CHD6: variants seen among roughly 807,000 people sequenced by gnomAD.
CHD6 encodes the protein ATP-dependent chromatin remodeler CHD6.
Under a neutral mutation model 276.9 loss-of-function variants are expected in CHD6, and 50 were observed. That is an observed-to-expected ratio of 0.18 (90% confidence interval 0.14 to 0.23). The LOEUF (loss-of-function observed/expected upper bound fraction) is 0.23. Among genes scored for constraint, CHD6 ranks in the 10% least tolerant of loss-of-function variants. CHD6 has a pLI of 1.00. For missense variants in CHD6, 2,564 were observed against 3,365.8 expected (o/e 0.76, Z 5.89); for synonymous variants, 1,173 against 1,229.3 (o/e 0.95, Z 0.96).
At chr20:41,512,436 C>T (rs1341946644) in intron 5 of CHD6, among the ~76,000 whole-genome samples, 1 of 151,670 alleles carries the variant, frequency 6.6e-6, no homozygotes, top group Admixed American at 6.6e-5. Context: ...CAGGAAGAAC[C>T]TCTCTAAGGA....
chr20:41,580,345 A>C (rs1218774447), intron 1 of CHD6, among the ~76,000 whole-genome samples: 1 of 152,126 alleles, frequency 6.6e-6, no homozygotes, highest in African/African-American at 2.4e-5. Flanking sequence ...TACCAGGCTA[A>C]ACTCACCTTT....
At chr20:41,566,787 T>C (rs1406890405) in intron 1 of CHD6, among the ~76,000 whole-genome samples, 1 of 152,184 alleles carries the variant, frequency 6.6e-6, no homozygotes, top group African/African-American at 2.4e-5. Context: ...TCCCGCAGGC[T>C]ATGAGTGTAC....
At chr20:41,550,365 G>A (rs2045126139) in intron 2 of CHD6, among the ~76,000 whole-genome samples, 1 of 152,294 alleles carries the variant, frequency 6.6e-6, no homozygotes, top group South Asian at 2.1e-4. Context: ...AATCCAGTTT[G>A]TAGGCAGTAT....
rs2046897837 is a variant in CHD6, at chr20:41,413,317, CACTT to C, written c.7131+3_7131+6del. ...AGTGATCTCAGGCAGTACCAACAAA[CACTT>C]ACTGCCCCAAAGCCAGGAACTTCTA... On this transcript the variant is annotated splice_donor_5th_base_variant and intron_variant, in intron 35 of 36. Transcript: ENST00000373233. The C allele has an allele frequency of 1.3e-6, 2 of 1,583,312 alleles. No homozygotes were observed. The highest frequency in any genetic ancestry group is 2.3e-5 in the South Asian group (2 of 86,232).
intron 1 of CHD6, among the ~76,000 whole-genome samples, chr20:41,601,968 C>G (rs1236639766): frequency 1.3e-5 from 2 of 152,230 alleles, no homozygotes; most frequent in Non-Finnish European, 2.9e-5. Flanking sequence ...GCTTGCACAG[C>G]TGATTACCCT....
rs750321921 is a variant in CHD6 at position 41,416,759 on chromosome 20, G to A, written c.6315C>T (p.Cys2105=). 6.8e-5 allele frequency: 109 copies of A among 1,606,998 alleles called. No homozygotes were observed. The highest frequency in any genetic ancestry group is 7.7e-5 in the Non-Finnish European group (90 of 1,175,498). ...RVIINRLDNI[C]HVVLKGKWPS... ...GCCACTTCCCCTTTAACACCACGTG[G>A]CAGATATTATCTAGGCGGTTAATTA... The change falls in exon 33 of 37, where the codon TGC becomes TGT. Residue 2105 remains cysteine (C), a synonymous_variant. Transcript: ENST00000373233.
At chr20:41,543,125 T>C (rs888569559) in intron 2 of CHD6, among the ~76,000 whole-genome samples, 1 of 149,420 alleles carries the variant, frequency 6.7e-6, no homozygotes, top group South Asian at 2.1e-4. Flanking sequence ...AAAAAGGATG[T>C]CAATAATAAT....
At chr20:41,530,388 C>A (rs1325785765) in intron 3 of CHD6, among the ~76,000 whole-genome samples, 1 of 152,166 alleles carries the variant, frequency 6.6e-6, no homozygotes, top group African/African-American at 2.4e-5. Context: ...GCCCGTAAAT[C>A]AGTTGCGGAG....
Position 41,404,471 on chromosome 20 carries a change from A to G in CHD6, c.*122T>C. ...TGTTACCATAGTTCTCAGACAGGAAATCAGGTACGTAATCTTACTTATGGA... is the reference window on the plus strand; with the variant it reads ...TGTTACCATAGTTCTCAGACAGGAAGTCAGGTACGTAATCTTACTTATGGA... On this transcript the variant is annotated 3_prime_UTR_variant, in exon 37 of 37. Coordinates refer to ENST00000373233, the MANE Select transcript of CHD6 (RefSeq NM_032221.5). 1.5e-6 allele frequency: 2 copies of G among 1,378,748 alleles called. No individual in the cohort carries two copies. The highest frequency in any genetic ancestry group is 2.5e-5 in the East Asian group (1 of 39,854). The allele number at this position is 1,378,748 out of a possible 1,614,324, so 85.4% of individuals were successfully genotyped here. A position where few individuals can be genotyped will look rare whatever the true frequency, so the allele number is the denominator to read the frequency against.
intron 27 of CHD6, among the ~76,000 whole-genome samples, chr20:41,435,219 C>T (rs370259378): frequency 3.3e-5 from 5 of 151,708 alleles, no homozygotes; most frequent in Non-Finnish European, 7.4e-5. Context: ...AAAGCAATGC[C>T]GAGGGAAATT....
At chr20:41,522,438 T>C (rs941415113) in intron 3 of CHD6, among the ~76,000 whole-genome samples, 24 of 152,330 alleles carry the variant, frequency 1.6e-4, no homozygotes, top group Non-Finnish European at 3.2e-4. Context: ...ATGCTAAATC[T>C]TGGGAGAAAG....
At chr20:41,448,841 T>G (rs1015346336) in intron 23 of CHD6, among the ~76,000 whole-genome samples, 1 of 152,160 alleles carries the variant, frequency 6.6e-6, no homozygotes, top group Admixed American at 6.5e-5. Context: ...AAAGAACCCT[T>G]ATTATCTCTG....
At chr20:41,606,769 C>T (rs561144356) in intron 1 of CHD6, among the ~76,000 whole-genome samples, 1 of 152,158 alleles carries the variant, frequency 6.6e-6, no homozygotes, top group East Asian at 1.9e-4. Context: ...AGTTCTCAAA[C>T]TCAGATACGC....
intron 36 of CHD6, among the ~76,000 whole-genome samples, chr20:41,408,099 T>C (rs575983396): frequency 1.3e-5 from 2 of 152,030 alleles, no homozygotes; most frequent in Admixed American, 6.5e-5. Context: ...CAGTTCATCA[T>C]AGACAAAAAA....
Position 41,445,651 on chromosome 20 carries a change from A to T in CHD6, c.3877+14T>A, listed in dbSNP as rs1353161479. On this transcript the variant is annotated intron_variant, in intron 25 of 36. Coordinates refer to ENST00000373233, the MANE Select transcript of CHD6 (RefSeq NM_032221.5). ...AACTGATACAGAAGGGAACGCCTTC[A>T]GAGAAATACACACCATGCTTGAACA... 6.3e-7 allele frequency: 1 copy of T among 1,583,134 alleles called. No individual in the cohort carries two copies. The highest frequency in any genetic ancestry group is 8.7e-7 in the Non-Finnish European group (1 of 1,152,032).
chr20:41,521,881 A>G (rs2044407286), intron 3 of CHD6, among the ~76,000 whole-genome samples: 1 of 152,242 alleles, frequency 6.6e-6, no homozygotes, highest in African/African-American at 2.4e-5. Context: ...CAAAACTGAG[A>G]CCATCTGAAC....
chr20:41,429,394 T>C (rs928319569), intron 27 of CHD6, among the ~76,000 whole-genome samples: 1 of 152,168 alleles, frequency 6.6e-6, no homozygotes, highest in Admixed American at 6.5e-5. Context: ...GCTACTGGTA[T>C]TAAAACAGAG....
In CHD6 at chr20:41,403,940, G is replaced by A; in HGVS notation, c.*653C>T. 2 of 1,053,890 alleles carry A rather than the reference G, an allele frequency of 1.9e-6. No homozygotes were observed. The highest frequency in any genetic ancestry group is 2.3e-6 in the Non-Finnish European group (2 of 872,118). 65.3% of individuals were successfully genotyped at this position (1,053,890 alleles called of 1,614,324 possible). On this transcript the variant is annotated 3_prime_UTR_variant, in exon 37 of 37. Coordinates refer to ENST00000373233, the MANE Select transcript of CHD6 (RefSeq NM_032221.5). ...ATAGAAAATAATGCCTAGTCAGTCA[G>A]TATTTCTTCTTGCTGCAGGTGTCTG...
At chr20:41,588,796 C>T (rs534767784) in intron 1 of CHD6, among the ~76,000 whole-genome samples, 1 of 152,238 alleles carries the variant, frequency 6.6e-6, no homozygotes, top group African/African-American at 2.4e-5. Flanking sequence ...CATCTAAGGA[C>T]CCTGATCTCC....
Sources: gnomAD v4.1 joint callset for allele counts (sites outside exome capture counted in the v4.1 genomes callset) on GRCh38, gnomAD v4.1.1 for gene constraint, MANE v1.5 for transcripts, NCBI Gene and HGNC (gene_info 2026-07-23, HGNC 2026-07-21) for gene names.